The following GRIK4 variants were observed in gnomAD, a reference collection of about 807,000 sequenced individuals.
The protein encoded by GRIK4 is glutamate ionotropic receptor kainate type subunit 4.
In GRIK4, 40 loss-of-function variants were observed where a neutral mutation model predicts 104.9. The observed-to-expected ratio is 0.38, with a 90% CI of 0.30 to 0.50. GRIK4 has a LOEUF of 0.50. Among genes scored for constraint, GRIK4 ranks in the 20% least tolerant of loss-of-function variants. The probability of loss-of-function intolerance (pLI) is 0.93; values close to 1 mark genes in which losing one functional copy is unlikely to be tolerated. For synonymous variants in GRIK4, 485 were observed against 524.9 expected (o/e 0.92, Z 1.04); for missense variants, 1,047 against 1,308.1 (o/e 0.80, Z 3.08).
intron 8 of GRIK4, among the ~76,000 whole-genome samples, chr11:120,852,019 G>A (rs1219326963): frequency 6.6e-6 from 1 of 152,202 alleles, no homozygotes; most frequent in African/African-American, 2.4e-5. Context: ...ACCAGTGAAT[G>A]CTGATCAGTG....
chr11:120,908,978 A>G (rs796663656), intron 13 of GRIK4, among the ~76,000 whole-genome samples: 11 of 152,362 alleles, frequency 7.2e-5, no homozygotes, highest in African/African-American at 2.4e-4. Flanking sequence ...AGCTGGATGC[A>G]CCAGTGTTCT....
chr11:120,618,801 G>A (rs1335772020), intron 1 of GRIK4, among the ~76,000 whole-genome samples: 5 of 152,230 alleles, frequency 3.3e-5, no homozygotes, highest in Non-Finnish European at 7.3e-5. Flanking sequence ...CAAGAGTTGA[G>A]GCTTGGGAAC....
intron 3 of GRIK4, among the ~76,000 whole-genome samples, chr11:120,663,520 G>A (rs1455228975): frequency 3.3e-5 from 5 of 152,154 alleles, no homozygotes; most frequent in African/African-American, 9.7e-5. Context: ...CTCCATTCCT[G>A]TTCAGAAAAC....
chr11:120,710,997 T>TCGG lies in GRIK4; in HGVS notation c.82+50597_82+50598insCGG, dbSNP rs1555046760. Among the ~76,000 whole-genome samples, 834 of 124,846 alleles carry TCGG rather than the reference T, an allele frequency of 6.7e-3. 18 individuals are homozygous for TCGG. Among genetic ancestry groups the TCGG allele is most frequent in the Non-Finnish European group, 9.8e-3 (597 of 60,778 alleles). 81.9% of individuals were successfully genotyped at this position (124,846 alleles called of 152,430 possible). ...GCCAGCCTCGCTTGCCCCTGTGAGG[T>TCGG]GGGGAGGGGGTGTGAGCAGCTGCAG... On this transcript the variant is annotated intron_variant, in intron 3 of 20. Coordinates refer to ENST00000527524, the MANE Select transcript of GRIK4 (RefSeq NM_014619.5).
chr11:120,527,119 A>G (rs2136078216), intron 1 of GRIK4, among the ~76,000 whole-genome samples: 1 of 152,356 alleles, frequency 6.6e-6, no homozygotes, highest in African/African-American at 2.4e-5. Flanking sequence ...GCCAGCACCC[A>G]GTCCTGGGGA....
chr11:120,789,582 A>T (rs528501857), intron 3 of GRIK4, among the ~76,000 whole-genome samples: 11 of 152,176 alleles, frequency 7.2e-5, no homozygotes, highest in African/African-American at 2.4e-4. Context: ...ATCGCCCTAA[A>T]ATGCAAATCT....
At chr11:120,862,698 C>T (rs1423868780) in intron 9 of GRIK4, among the ~76,000 whole-genome samples, 7 of 152,112 alleles carry the variant, frequency 4.6e-5, no homozygotes, top group Non-Finnish European at 5.9e-5. Context: ...CAGTTCTGGC[C>T]CCTTCCGGCA....
intron 1 of GRIK4, among the ~76,000 whole-genome samples, chr11:120,536,678 G>A (rs1565542145): frequency 1.3e-5 from 2 of 152,180 alleles, no homozygotes; most frequent in Non-Finnish European, 1.5e-5. Flanking sequence ...TGAGGAGGGA[G>A]AAGGTGGATT....
chr11:120,878,166 G>A (rs1592026529), intron 11 of GRIK4, among the ~76,000 whole-genome samples: 1 of 152,232 alleles, frequency 6.6e-6, no homozygotes, highest in East Asian at 1.9e-4. Flanking sequence ...AGCGGCTGCA[G>A]TTTCTTTGGC....
At chr11:120,752,567 G>A (rs1951575517) in intron 3 of GRIK4, among the ~76,000 whole-genome samples, 1 of 152,234 alleles carries the variant, frequency 6.6e-6, no homozygotes, top group South Asian at 2.1e-4. Flanking sequence ...AACAGTGTTG[G>A]CCTGATGCCC....
chr11:120,881,602 C>T (rs1036689613), intron 11 of GRIK4, among the ~76,000 whole-genome samples: 2 of 152,196 alleles, frequency 1.3e-5, no homozygotes, highest in South Asian at 2.1e-4. Context: ...GTCACCCTTG[C>T]GAACCAAGAA....
intron 3 of GRIK4, among the ~76,000 whole-genome samples, chr11:120,705,522 C>T (rs766374053): frequency 4.6e-5 from 7 of 152,076 alleles, no homozygotes; most frequent in Non-Finnish European, 8.8e-5. Flanking sequence ...CACTGCACCT[C>T]GCCCAGCTTT....
At chr11:120,675,079 A>C (rs1016166925) in intron 3 of GRIK4, among the ~76,000 whole-genome samples, 1 of 152,284 alleles carries the variant, frequency 6.6e-6, no homozygotes, top group Admixed American at 6.5e-5. Context: ...AAAGGAATTA[A>C]GTTTGCTAAA....
chr11:120,718,478 C>T (rs779387411), intron 3 of GRIK4, among the ~76,000 whole-genome samples: 3 of 152,134 alleles, frequency 2.0e-5, no homozygotes, highest in African/African-American at 4.8e-5. Flanking sequence ...AGATTGGTGT[C>T]GCTGGATAAT....
At chr11:120,562,321 G>A (rs1948248816) in intron 1 of GRIK4, among the ~76,000 whole-genome samples, 1 of 152,212 alleles carries the variant, frequency 6.6e-6, no homozygotes. Context: ...GTGAAATAAT[G>A]ACGTGTGAAA....
At chr11:120,746,520 G>A (rs752577236) in intron 3 of GRIK4, among the ~76,000 whole-genome samples, 4 of 152,100 alleles carry the variant, frequency 2.6e-5, no homozygotes, top group Non-Finnish European at 5.9e-5. Flanking sequence ...TAGCCAGGAG[G>A]GGAGGGCTCT....
chr11:120,846,849 C>T (rs1356291530), intron 8 of GRIK4, among the ~76,000 whole-genome samples: 1 of 152,098 alleles, frequency 6.6e-6, no homozygotes, highest in Non-Finnish European at 1.5e-5. Flanking sequence ...TGAATTTTTT[C>T]CAGATGAAAT....
intron 1 of GRIK4, among the ~76,000 whole-genome samples, chr11:120,622,375 G>A (rs1260253681): frequency 6.6e-6 from 1 of 152,114 alleles, no homozygotes; most frequent in Non-Finnish European, 1.5e-5. Flanking sequence ...CTGCCTTTAG[G>A]GGGCAGAAGT....
At chr11:120,544,140 T>TCC (rs1948063222) in intron 1 of GRIK4, among the ~76,000 whole-genome samples, 1 of 152,166 alleles carries the variant, frequency 6.6e-6, no homozygotes, top group African/African-American at 2.4e-5. Flanking sequence ...GTTCTTACCA[T>TCC]AGACATATGA....
Sources: gnomAD v4.1 joint callset for allele counts (sites outside exome capture counted in the v4.1 genomes callset) on GRCh38, gnomAD v4.1.1 for gene constraint, MANE v1.5 for transcripts, NCBI Gene and HGNC (gene_info 2026-07-23, HGNC 2026-07-21) for gene names.